Variants in SPAG6 observed in about 807,000 individuals in gnomAD.
SPAG6 encodes the protein sperm-associated antigen 6.
SPAG6 carries 49 observed loss-of-function variants against 58.5 expected under a neutral mutation model. The observed-to-expected ratio is 0.84, with a 90% CI of 0.67 to 1.06. The LOEUF is 1.06. Ranked by LOEUF, SPAG6 falls within the 50% of genes least tolerant of loss-of-function variation. The pLI, the probability that SPAG6 is intolerant of heterozygous loss-of-function variation, is 0.00. For synonymous variants in SPAG6, 233 were observed against 225.6 expected (o/e 1.03, Z -0.29); for missense variants, 560 against 611.3 (o/e 0.92, Z 0.89).
intron 2 of SPAG6, among the ~76,000 whole-genome samples, chr10:22,351,916 T>TA (rs1836737495): frequency 6.6e-6 from 1 of 152,184 alleles, no homozygotes; most frequent in Non-Finnish European, 1.5e-5. Context: ...CTCACGCTTG[T>TA]AATCCCAGCA....
intron 7 of SPAG6, among the ~76,000 whole-genome samples, chr10:22,390,071 T>G (rs1834152407): frequency 6.7e-6 from 1 of 148,498 alleles, no homozygotes; most frequent in South Asian, 2.1e-4. Context: ...AAATGTGGAT[T>G]TTTTTTATCC....
At chr10:22,360,201 G>A (rs1347919968) in intron 2 of SPAG6, among the ~76,000 whole-genome samples, 1 of 151,778 alleles carries the variant, frequency 6.6e-6, no homozygotes, top group Non-Finnish European at 1.5e-5. Flanking sequence ...AGTCATATAT[G>A]TATCCCTATT....
chr10:22,350,752 C>G (rs1186487050), intron 2 of SPAG6, among the ~76,000 whole-genome samples: 2 of 152,074 alleles, frequency 1.3e-5, no homozygotes, highest in African/African-American at 4.8e-5. Flanking sequence ...TTTATGGTAC[C>G]CTTGCTCCCA....
At chr10:22,387,422 C>A (rs1834092634) in intron 5 of SPAG6, among the ~76,000 whole-genome samples, 1 of 152,056 alleles carries the variant, frequency 6.6e-6, no homozygotes, top group Non-Finnish European at 1.5e-5. Context: ...ATTAACTAAG[C>A]AATGGAACAT....
chr10:22,353,760 G>A (rs767038424), intron 2 of SPAG6, among the ~76,000 whole-genome samples: 2 of 152,190 alleles, frequency 1.3e-5, no homozygotes, highest in Non-Finnish European at 2.9e-5. Flanking sequence ...ATAAATTATT[G>A]TTTATTCGAA....
Position 22,416,771 on chromosome 10 carries a change from A to T in SPAG6, c.*83A>T, listed in dbSNP as rs961132337. 2.7e-6 allele frequency: 2 copies of T among 748,814 alleles called. No homozygotes were observed. Among genetic ancestry groups the T allele is most frequent in the African/African-American group, 1.7e-5 (1 of 57,838 alleles). The allele number at this position is 748,814 out of a possible 1,614,324, so 46.4% of individuals were successfully genotyped here. On this transcript the variant is annotated 3_prime_UTR_variant, in exon 11 of 11. Transcript: ENST00000376624. The stretch of plus-strand genomic sequence containing the variant: ...TAAATCCTTCTAAATATTTGAACTA[A>T]GTATATTCTAGATTTATTTAATGGG...
At chr10:22,387,048 AATAATTAGCAAATTATC>A in intron 5 of SPAG6, 89 bp downstream of exon 5, 1 of 955,866 alleles carries the variant, frequency 1.0e-6, no homozygotes, top group Non-Finnish European at 1.6e-6. Flanking sequence ...TGCATCTAAA[AATAATTAGCAAATTATC>A]ATTGAAAACA....
chr10:22,367,189 TA>T (rs1189964947), intron 3 of SPAG6, among the ~76,000 whole-genome samples: 1 of 152,098 alleles, frequency 6.6e-6, no homozygotes, highest in Non-Finnish European at 1.5e-5. Context: ...TTCTGCAGTA[TA>T]AAAAGTCAAG....
chr10:22,357,262 G>A (rs571583112), intron 2 of SPAG6, among the ~76,000 whole-genome samples: 7 of 152,144 alleles, frequency 4.6e-5, no homozygotes, highest in African/African-American at 1.7e-4. Context: ...TTGTATGTTT[G>A]CAGAGCTCTC....
intron 10 of SPAG6, chr10:22,412,470 T>G: frequency 6.5e-7 from 1 of 1,531,756 alleles, no homozygotes; most frequent in Non-Finnish European, 8.7e-7. Context: ...GTTGCAAGTT[T>G]GTGCACTTTT....
chr10:22,383,980 A>G (rs1485499567), intron 4 of SPAG6, among the ~76,000 whole-genome samples: 4 of 152,220 alleles, frequency 2.6e-5, no homozygotes, highest in Non-Finnish European at 5.9e-5. Flanking sequence ...GGATGTTTTT[A>G]GCTGTAAGTT....
In SPAG6 at chr10:22,417,607, A is replaced by T. The variant is rs1161095074; in HGVS notation, c.*919A>T. On this transcript the variant is annotated 3_prime_UTR_variant, in exon 11 of 11. Transcript: ENST00000376624. ...TTTCAATAAAATTTTAAATAAAAAC[A>T]GCATTAGAATTGTCCTTTTCATTTT... The T allele has an allele frequency of 6.6e-6, 1 of 152,236 alleles. No individual in the cohort carries two copies. Among genetic ancestry groups the T allele is most frequent in the Non-Finnish European group, 1.5e-5 (1 of 68,032 alleles). The allele number at this position is 152,236 out of a possible 1,614,324, so 9.4% of individuals were successfully genotyped here.
At chr10:22,348,288 TAGTC>T (rs1404871291) in intron 2 of SPAG6, among the ~76,000 whole-genome samples, 4 of 152,210 alleles carry the variant, frequency 2.6e-5, no homozygotes, top group African/African-American at 9.6e-5. Flanking sequence ...TCTTTCTTAA[TAGTC>T]AGTTTACTTA....
At chr10:22,392,284 G>A (rs1266224640) in intron 8 of SPAG6, among the ~76,000 whole-genome samples, 1 of 152,028 alleles carries the variant, frequency 6.6e-6, no homozygotes, top group East Asian at 1.9e-4. Context: ...AGAATTTAAG[G>A]TACCTTTCAA....
intron 4 of SPAG6, 115 bp from the exon 5 acceptor site, chr10:22,386,639 G>T (rs1369107788): frequency 2.7e-6 from 2 of 753,810 alleles, no homozygotes; most frequent in African/African-American, 3.4e-5. Flanking sequence ...TGCAGATGTT[G>T]AGAGAGTGAA....
rs188087414 is a variant in SPAG6, at chr10:22,384,468, G to C, written c.473-2286G>C. ...GCCTGTTGGATGTGTAATATGTAGA[G>C]TCTACATTATTTAGGCCTATTGTAT... On this transcript the variant is annotated intron_variant, in intron 4 of 10. Coordinates refer to ENST00000376624, the MANE Select transcript of SPAG6 (RefSeq NM_012443.4). Among the ~76,000 whole-genome samples, 4 of 152,282 alleles carry C rather than the reference G, an allele frequency of 2.6e-5. No homozygotes were observed. The East Asian group carries it at 5.8e-4, about 22-fold the overall frequency.
chr10:22,391,823 C>A lies in SPAG6; in HGVS notation c.1100C>A (p.Thr367Asn). The change falls in exon 8 of 11, where the codon ACT becomes AAT. Residue 367 changes from threonine to asparagine, a missense_variant. Thr to Asn is a moderately conservative substitution (Grantham distance 65). Coordinates refer to ENST00000376624, the MANE Select transcript of SPAG6 (RefSeq NM_012443.4). ...GCCTTAGGACAGATTGGAAGACACA[C>A]TCCTGAACACGCACGGGCTGTTGCA... ...AWALGQIGRHTPEHARAVAVT... is the reference protein window; with the variant it reads ...AWALGQIGRHNPEHARAVAVT... The A allele has an allele frequency of 6.2e-7, 1 of 1,613,554 alleles. No individual in the cohort carries two copies. Among genetic ancestry groups the A allele is most frequent in the Non-Finnish European group, 8.5e-7 (1 of 1,179,696 alleles).
At chr10:22,389,441 A>G in intron 7 of SPAG6, 129 bp downstream of exon 7, 1 of 868,060 alleles carries the variant, frequency 1.2e-6, no homozygotes, top group South Asian at 1.8e-5. Flanking sequence ...AAAAATTTTG[A>G]TTGTTTCAAT....
chr10:22,393,605 G>A (rs994272196), intron 8 of SPAG6, among the ~76,000 whole-genome samples: 1 of 152,112 alleles, frequency 6.6e-6, no homozygotes, highest in African/African-American at 2.4e-5. Flanking sequence ...CCTATATTTA[G>A]TACAGTGTTA....
Sources: gnomAD v4.1 joint callset for allele counts (sites outside exome capture counted in the v4.1 genomes callset) on GRCh38, gnomAD v4.1.1 for gene constraint, MANE v1.5 for transcripts, NCBI Gene and HGNC (gene_info 2026-07-23, HGNC 2026-07-21) for gene names.